The following TPM3 variants were observed in gnomAD, a reference collection of about 807,000 sequenced individuals.
TPM3 encodes the protein tropomyosin alpha-3 chain.
A neutral mutation model predicts 43.1 loss-of-function variants in TPM3; 16 were observed. The ratio of observed to expected loss-of-function variants is 0.37; its 90% CI spans 0.25 to 0.56. The LOEUF (loss-of-function observed/expected upper bound fraction) is 0.56, where lower values mean the gene tolerates loss of function less well. Ranked by LOEUF, TPM3 falls within the 20% of genes least tolerant of loss-of-function variation. TPM3 has a pLI of 0.77. For synonymous variants in TPM3, 101 were observed against 116.9 expected (o/e 0.86, Z 0.88); for missense variants, 176 against 337.2 (o/e 0.52, Z 3.74).
chr1:154,157,311 G>C (rs1659910850), downstream of TPM3: 2 of 455,692 alleles, frequency 4.4e-6, no homozygotes, highest in Admixed American at 7.0e-5. Flanking sequence ...TATTTGGAAT[G>C]TTTTACAAAT....
rs1386943461 is a variant in TPM3 at position 154,171,316 on chromosome 1, A to G, written c.642+97T>C. ...AGGAGGTAGGAAGAGGACACGCCTC[A>G]CTGGATTATATATGGAATGCGTGTC... On this transcript the variant is annotated intron_variant, in intron 6 of 9. Coordinates refer to ENST00000651641, the MANE Select transcript of TPM3 (RefSeq NM_152263.4). The G allele has an allele frequency of 3.9e-6, 5 of 1,298,318 alleles. No individual in the cohort carries two copies. In the East Asian group the frequency reaches 1.2e-4, roughly 30 times the overall value. The allele number at this position is 1,298,318 out of a possible 1,614,324, so 80.4% of individuals were successfully genotyped here.
intron 5 of TPM3, chr1:154,172,113 G>A (rs939162560): frequency 6.2e-7 from 1 of 1,614,086 alleles, no homozygotes; most frequent in Non-Finnish European, 8.5e-7. Context: ...GGCTGTTAGT[G>A]ATAGTCACGG....
chr1:154,169,591 A>C, intron 8 of TPM3: 5 of 608,488 alleles, frequency 8.2e-6, no homozygotes, highest in Non-Finnish European at 1.2e-5. Flanking sequence ...GATACTCCAA[A>C]TCGACTGCAG....
At chr1:154,176,853 C>T in intron 2 of TPM3, among the ~76,000 whole-genome samples, 1 of 151,598 alleles carries the variant, frequency 6.6e-6, no homozygotes, top group East Asian at 1.9e-4. Flanking sequence ...GTGGCGCGTA[C>T]CTCTAGTCCC....
At chr1:154,188,704 G>T (rs974062183) in intron 2 of TPM3, among the ~76,000 whole-genome samples, 1 of 149,176 alleles carries the variant, frequency 6.7e-6, no homozygotes, top group South Asian at 2.1e-4. Context: ...AGCCTGTGCT[G>T]GCCTTAACTT....
rs555846238 is a variant in TPM3, at chr1:154,187,328, G to A, written c.243+3858C>T. On this transcript the variant is annotated intron_variant, in intron 2 of 9. Coordinates refer to ENST00000651641, the MANE Select transcript of TPM3 (RefSeq NM_152263.4). ...TTTAACCCACAGGTGGTAGTTTGCT[G>A]ACTCTAGCTTTGAGGAAAGAAACCT... 8.1e-6 allele frequency: 8 copies of A among 984,784 alleles called. No individual in the cohort carries two copies. In the South Asian group the frequency reaches 2.3e-4, roughly 29 times the overall value. The allele number at this position is 984,784 out of a possible 1,614,324, so 61.0% of individuals were successfully genotyped here.
Position 154,166,602 on chromosome 1 carries a change from A to C in TPM3, c.*1335T>G. 1 of 1,047,800 alleles carries C rather than the reference A, an allele frequency of 9.5e-7. No homozygotes were observed. Among genetic ancestry groups the C allele is most frequent in the Non-Finnish European group, 1.2e-6 (1 of 868,336 alleles). The allele number at this position is 1,047,800 out of a possible 1,614,324, so 64.9% of individuals were successfully genotyped here. ...ACCCTGCTGGGAAACTAAAGTACTAAGTGAACAACACTTACGTGCTTGGAT... is the reference window on the plus strand; with the variant it reads ...ACCCTGCTGGGAAACTAAAGTACTACGTGAACAACACTTACGTGCTTGGAT... On this transcript the variant is annotated 3_prime_UTR_variant, in exon 10 of 10. Transcript: ENST00000651641.
chr1:154,169,588 C>G (rs1661355683), intron 8 of TPM3: 3 of 610,696 alleles, frequency 4.9e-6, no homozygotes, highest in African/African-American at 3.7e-5. Flanking sequence ...CTTGATACTC[C>G]AAATCGACTG....
chr1:154,183,242 G>C, intron 2 of TPM3: 1 of 1,536,144 alleles, frequency 6.5e-7, no homozygotes, highest in Non-Finnish European at 8.7e-7. Flanking sequence ...AACCCGCCCG[G>C]ATGTGACGTC....
intron 2 of TPM3, among the ~76,000 whole-genome samples, chr1:154,179,994 G>A (rs954600102): frequency 2.0e-5 from 3 of 152,188 alleles, no homozygotes; most frequent in East Asian, 1.9e-4. Context: ...AATTTTACAT[G>A]TATTTTTATC....
At chr1:154,168,016 AG>A in intron 9 of TPM3, 76 bp from the exon 10 acceptor site, 1 of 1,597,890 alleles carries the variant, frequency 6.3e-7, no homozygotes, top group Non-Finnish European at 8.6e-7. Flanking sequence ...AAAAAGGAAG[AG>A]GAAAAAAAGG....
intron 5 of TPM3, chr1:154,172,052 A>G (rs1224694489): frequency 3.7e-6 from 6 of 1,614,166 alleles, no homozygotes; most frequent in South Asian, 1.1e-5. Context: ...GCACTCAGAC[A>G]CTTCAGGTTC....
At chr1:154,182,667 C>T (rs1663092979) in intron 2 of TPM3, among the ~76,000 whole-genome samples, 1 of 152,134 alleles carries the variant, frequency 6.6e-6, no homozygotes, top group Non-Finnish European at 1.5e-5. Context: ...AGGGAGAAGC[C>T]GCTGAGCCCC....
chr1:154,172,481 C>T (rs1406627802), intron 5 of TPM3: 1 of 503,686 alleles, frequency 2.0e-6, no homozygotes, highest in Non-Finnish European at 4.0e-6. Context: ...TGGCCTCCAA[C>T]TCCTGGGTTC....
chr1:154,188,047 A>T, intron 2 of TPM3, among the ~76,000 whole-genome samples: 1 of 151,152 alleles, frequency 6.6e-6, no homozygotes, highest in East Asian at 1.9e-4. Flanking sequence ...GTTTTCTGAG[A>T]AGGGAGAATT....
chr1:154,173,203 T>C lies in TPM3; in HGVS notation c.378-2A>G. ...CGGTTTTCAATAACCTTCATACCTC[T>C]GCCAGAAATAGGACAAAAGCAATAC... is the stretch of plus-strand genomic sequence containing the variant. On this transcript the variant is annotated splice_acceptor_variant, in intron 3 of 9. Transcript: ENST00000651641. LOFTEE classifies it high-confidence loss of function. The C allele has an allele frequency of 6.2e-7, 1 of 1,613,180 alleles. No homozygotes were observed. Among genetic ancestry groups the C allele is most frequent in the Non-Finnish European group, 8.5e-7 (1 of 1,179,548 alleles).
At chr1:154,176,653 GAA>G (rs57237877) in intron 2 of TPM3, among the ~76,000 whole-genome samples, 2 of 129,024 alleles carry the variant, frequency 1.6e-5, no homozygotes. Context: ...CATAAAGCAG[GAA>G]AAAAAAAAAA....
At chr1:154,173,821 C>G (rs917976451) in intron 3 of TPM3, among the ~76,000 whole-genome samples, 1 of 151,744 alleles carries the variant, frequency 6.6e-6, no homozygotes, top group Admixed American at 6.6e-5. Flanking sequence ...AAACCCTGTC[C>G]CTACTAAAAA....
At chr1:154,186,159 CTCT>C (rs1158279393) in intron 2 of TPM3, among the ~76,000 whole-genome samples, 3 of 151,652 alleles carry the variant, frequency 2.0e-5, no homozygotes, top group Non-Finnish European at 4.4e-5. Flanking sequence ...AGGGTTCTGA[CTCT>C]TAATAGACTC....
Sources: gnomAD v4.1 joint callset for allele counts (sites outside exome capture counted in the v4.1 genomes callset) on GRCh38, gnomAD v4.1.1 for gene constraint, MANE v1.5 for transcripts, NCBI Gene and HGNC (gene_info 2026-07-23, HGNC 2026-07-21) for gene names.